MLLT3: variants seen among roughly 807,000 people sequenced by gnomAD.
MLLT3 encodes the protein MLLT3 super elongation complex subunit.
Under a neutral mutation model 53.2 loss-of-function variants are expected in MLLT3, and 4 were observed. The ratio of observed to expected loss-of-function variants is 0.08; its 90% confidence interval spans 0.04 to 0.17. MLLT3 has a LOEUF of 0.17. Ranked by LOEUF, MLLT3 falls within the 10% of genes least tolerant of loss-of-function variation. The pLI, the probability that MLLT3 is intolerant of heterozygous loss-of-function variation, is 1.00. For missense variants in MLLT3, 569 were observed against 684.0 expected, an observed-to-expected ratio of 0.83 and a Z score of 1.87; for synonymous variants, 283 against 230.6, an observed-to-expected ratio of 1.23 and a Z score of -2.06.
chr9:20,484,045 T>C (rs1824741751), intron 2 of MLLT3, among the ~76,000 whole-genome samples: 1 of 152,108 alleles, frequency 6.6e-6, no homozygotes. Context: ...GATTAGTAGA[T>C]ATATTCCACT....
intron 2 of MLLT3, among the ~76,000 whole-genome samples, chr9:20,511,757 C>T (rs749550134): frequency 8.6e-5 from 13 of 152,010 alleles, no homozygotes; most frequent in African/African-American, 1.9e-4. Flanking sequence ...CATACATATG[C>T]GCACACACAT....
chr9:20,458,907 T>G (rs549604997), intron 2 of MLLT3, among the ~76,000 whole-genome samples: 1 of 152,130 alleles, frequency 6.6e-6, no homozygotes, highest in Non-Finnish European at 1.5e-5. Context: ...CCAATTGCCA[T>G]GTAGCCTTTT....
chr9:20,578,899 T>A (rs1483578393), intron 2 of MLLT3, among the ~76,000 whole-genome samples: 4 of 152,200 alleles, frequency 2.6e-5, no homozygotes, highest in African/African-American at 9.6e-5. Flanking sequence ...TTCAGTTAAA[T>A]AAATTATATT....
chr9:20,408,343 C>G (rs1280930189), intron 5 of MLLT3, among the ~76,000 whole-genome samples: 1 of 151,814 alleles, frequency 6.6e-6, no homozygotes, highest in Non-Finnish European at 1.5e-5. Flanking sequence ...AAATGAACAG[C>G]TGGTTGGCAA....
At chr9:20,511,889 A>C (rs1817759930) in intron 2 of MLLT3, among the ~76,000 whole-genome samples, 1 of 152,154 alleles carries the variant, frequency 6.6e-6, no homozygotes, top group Non-Finnish European at 1.5e-5. Flanking sequence ...GACATTAATA[A>C]TCTATCACAG....
At chr9:20,497,865 T>C (rs563999050) in intron 2 of MLLT3, among the ~76,000 whole-genome samples, 19 of 152,274 alleles carry the variant, frequency 1.2e-4, no homozygotes, top group Admixed American at 2.0e-4. Context: ...TAATGTTTTA[T>C]GAAAATTTTT....
At chr9:20,414,805 G>C (rs573143631) in intron 4 of MLLT3, among the ~76,000 whole-genome samples, 114 of 152,232 alleles carry the variant, frequency 7.5e-4, no homozygotes, top group African/African-American at 2.7e-3. Context: ...ACAACCAAAA[G>C]ACGGGAACTA....
At chr9:20,386,788 A>AT (rs1346787498) in intron 5 of MLLT3, among the ~76,000 whole-genome samples, 4 of 151,756 alleles carry the variant, frequency 2.6e-5, no homozygotes, top group African/African-American at 9.7e-5. Context: ...AAACCAGGCT[A>AT]TTTTCTGGAT....
chr9:20,408,152 C>G (rs768818881), intron 5 of MLLT3, among the ~76,000 whole-genome samples: 1 of 152,142 alleles, frequency 6.6e-6, no homozygotes, highest in South Asian at 2.1e-4. Flanking sequence ...GATAGAGCCC[C>G]TGTGTATTCA....
At chr9:20,487,022 G>A (rs1344243499) in intron 2 of MLLT3, among the ~76,000 whole-genome samples, 1 of 152,046 alleles carries the variant, frequency 6.6e-6, no homozygotes, top group African/African-American at 2.4e-5. Flanking sequence ...ATTGTTGTGT[G>A]TTAAGATAAC....
chr9:20,380,548 A>G (rs145996834), intron 5 of MLLT3, among the ~76,000 whole-genome samples: 90 of 152,208 alleles, frequency 5.9e-4, no homozygotes, highest in African/African-American at 2.0e-3. Flanking sequence ...TACTATCCAC[A>G]CACAATTGCA....
At chr9:20,532,866 G>C (rs929060012) in intron 2 of MLLT3, 4 of 266,322 alleles carry the variant, frequency 1.5e-5, no homozygotes, top group African/African-American at 4.6e-5. Context: ...GTACAGACCA[G>C]AGGCAAAGCA....
chr9:20,538,058 C>G (rs1047262968), intron 2 of MLLT3, among the ~76,000 whole-genome samples: 1 of 152,138 alleles, frequency 6.6e-6, no homozygotes, highest in African/African-American at 2.4e-5. Context: ...ATTATACCAT[C>G]TGGGTGTTAG....
chr9:20,388,631 CAAT>C (rs1822103428), intron 5 of MLLT3, among the ~76,000 whole-genome samples: 1 of 151,066 alleles, frequency 6.6e-6, no homozygotes, highest in Non-Finnish European at 1.5e-5. Context: ...CATTAAAAAA[CAAT>C]AATAAGGTAA....
intron 5 of MLLT3, among the ~76,000 whole-genome samples, chr9:20,378,997 A>ATGC (rs1401738644): frequency 6.6e-6 from 1 of 152,102 alleles, no homozygotes; most frequent in Non-Finnish European, 1.5e-5. Flanking sequence ...CTGCATTTCC[A>ATGC]TGCACACATC....
intron 2 of MLLT3, among the ~76,000 whole-genome samples, chr9:20,616,379 A>G (rs943269536): frequency 6.6e-6 from 1 of 152,154 alleles, no homozygotes; most frequent in Non-Finnish European, 1.5e-5. Context: ...AGATAGCTAC[A>G]TGCTAATCCC....
At chr9:20,451,626 G>C (rs1031877573) in intron 3 of MLLT3, among the ~76,000 whole-genome samples, 1 of 152,124 alleles carries the variant, frequency 6.6e-6, no homozygotes, top group East Asian at 1.9e-4. Flanking sequence ...ATGTCAGTCT[G>C]TGCTCCTTAG....
chr9:20,602,310 GCTT>G (rs1315268393), intron 2 of MLLT3, among the ~76,000 whole-genome samples: 1 of 152,064 alleles, frequency 6.6e-6, no homozygotes, highest in Non-Finnish European at 1.5e-5. Context: ...TGAAAGTTCA[GCTT>G]CTTAAGCACA....
At chr9:20,597,844 G>A (rs1182774385) in intron 2 of MLLT3, among the ~76,000 whole-genome samples, 2 of 152,192 alleles carry the variant, frequency 1.3e-5, no homozygotes, top group African/African-American at 4.8e-5. Context: ...TTCTATAGAA[G>A]CTTACTAATA....
Sources: gnomAD v4.1 joint callset for allele counts (sites outside exome capture counted in the v4.1 genomes callset) on GRCh38, gnomAD v4.1.1 for gene constraint, MANE v1.5 for transcripts, NCBI Gene and HGNC (gene_info 2026-07-23, HGNC 2026-07-21) for gene names.